Variants in HTR1F observed in about 807,000 individuals in gnomAD.
HTR1F encodes the protein 5-hydroxytryptamine (serotonin) receptor 1F, G protein-coupled.
HTR1F carries 17 observed loss-of-function variants against 24.0 expected under a neutral mutation model. That is an observed-to-expected ratio of 0.71 (90% confidence interval 0.48 to 1.06). The LOEUF (loss-of-function observed/expected upper bound fraction) is 1.06, where lower values mean the gene tolerates loss of function less well. Among genes scored for constraint, HTR1F ranks in the 50% least tolerant of loss-of-function variants. The pLI, the probability that HTR1F is intolerant of heterozygous loss-of-function variation, is 0.00. For synonymous variants in HTR1F, 186 were observed against 156.8 expected (o/e 1.19, Z -1.39); for missense variants, 391 against 427.8 (o/e 0.91, Z 0.76).
chr3:87,969,078 G>T (rs1177629126), intron 2 of HTR1F, among the ~76,000 whole-genome samples: 1 of 152,264 alleles, frequency 6.6e-6, no homozygotes, highest in Non-Finnish European at 1.5e-5. Flanking sequence ...GATTTCAGAG[G>T]ATGTATGGAA....
intron 2 of HTR1F, among the ~76,000 whole-genome samples, chr3:87,901,318 A>T (rs191551435): frequency 6.6e-6 from 1 of 152,250 alleles, no homozygotes; most frequent in African/African-American, 2.4e-5. Flanking sequence ...GCCTCAAACC[A>T]GTAGGAATGG....
intron 2 of HTR1F, among the ~76,000 whole-genome samples, chr3:87,947,941 G>A (rs1450376037): frequency 6.6e-6 from 1 of 152,022 alleles, no homozygotes; most frequent in Non-Finnish European, 1.5e-5. Flanking sequence ...ATTTGAGTTT[G>A]TGAGGCTGAA....
At chr3:87,986,881 G>C (rs1475031990) in intron 2 of HTR1F, among the ~76,000 whole-genome samples, 1 of 152,182 alleles carries the variant, frequency 6.6e-6, no homozygotes, top group East Asian at 1.9e-4. Context: ...GTGGTGAGCA[G>C]ATCACCAGAG....
chr3:87,964,384 A>G (rs1183338593), intron 2 of HTR1F, among the ~76,000 whole-genome samples: 2 of 152,192 alleles, frequency 1.3e-5, no homozygotes, highest in Non-Finnish European at 2.9e-5. Flanking sequence ...CTAAAATACT[A>G]TTTGATATTT....
intron 2 of HTR1F, among the ~76,000 whole-genome samples, chr3:87,917,621 A>T (rs1217880416): frequency 6.6e-6 from 1 of 151,972 alleles, no homozygotes; most frequent in Non-Finnish European, 1.5e-5. Flanking sequence ...AGAATAGATG[A>T]ATAAATTCTT....
intron 1 of HTR1F, among the ~76,000 whole-genome samples, chr3:87,809,946 A>G (rs1012846852): frequency 6.6e-6 from 1 of 152,046 alleles, no homozygotes; most frequent in African/African-American, 2.4e-5. Context: ...CCCAATCTGG[A>G]TACACCATCT....
chr3:87,936,970 T>G (rs1559639897), intron 2 of HTR1F, among the ~76,000 whole-genome samples: 1 of 147,242 alleles, frequency 6.8e-6, no homozygotes, highest in Non-Finnish European at 1.5e-5. Context: ...GCTCCAAAAC[T>G]GAATAAAAAT....
At chr3:87,892,468 T>C (rs550522401) in intron 2 of HTR1F, among the ~76,000 whole-genome samples, 4 of 152,288 alleles carry the variant, frequency 2.6e-5, no homozygotes, top group African/African-American at 7.2e-5. Context: ...TGGAAAGAAT[T>C]TGAGCTACAA....
chr3:87,934,324 T>A (rs1431145845), intron 2 of HTR1F, among the ~76,000 whole-genome samples: 1 of 152,234 alleles, frequency 6.6e-6, no homozygotes, highest in African/African-American at 2.4e-5. Flanking sequence ...TGTTCCACCT[T>A]AATCCTGTCA....
Position 87,991,995 on chromosome 3 carries a change from G to A in HTR1F, c.*145G>A. ...TAAGGCTATAATTTATATTTTAATA[G>A]CAATGTGAATATAAAAGTTATTGAT... On this transcript the variant is annotated 3_prime_UTR_variant, in exon 3 of 3. Coordinates refer to ENST00000319595, the MANE Select transcript of HTR1F (RefSeq NM_001322209.2). 1.6e-6 allele frequency: 1 copy of A among 608,468 alleles called. No homozygotes were observed. The highest frequency in any genetic ancestry group is 3.1e-5 in the East Asian group (1 of 32,578). 37.7% of individuals were successfully genotyped at this position (608,468 alleles called of 1,614,324 possible).
intron 2 of HTR1F, among the ~76,000 whole-genome samples, chr3:87,833,816 C>CA (rs1553663759): frequency 6.6e-6 from 1 of 151,078 alleles, no homozygotes. Context: ...CTATAAAGCC[C>CA]TTTTTTTTTA....
intron 2 of HTR1F, among the ~76,000 whole-genome samples, chr3:87,941,114 G>A (rs1236231198): frequency 1.3e-5 from 2 of 152,254 alleles, no homozygotes; most frequent in African/African-American, 4.8e-5. Flanking sequence ...TTGTTGGCAA[G>A]TTTAACACTG....
At chr3:87,899,106 T>G (rs564885609) in intron 2 of HTR1F, among the ~76,000 whole-genome samples, 2 of 152,314 alleles carry the variant, frequency 1.3e-5, no homozygotes, top group African/African-American at 4.8e-5. Flanking sequence ...TCTTTCAGCC[T>G]TATGAATTTT....
chr3:87,792,900 G>C (rs929438446), intron 1 of HTR1F, among the ~76,000 whole-genome samples, 58 bp downstream of exon 1: 3 of 152,228 alleles, frequency 2.0e-5, no homozygotes, highest in Non-Finnish European at 4.4e-5. Context: ...CAGCTGGCGC[G>C]CAGGTGGGGA....
intron 2 of HTR1F, among the ~76,000 whole-genome samples, chr3:87,865,928 G>A (rs1705417322): frequency 6.6e-6 from 1 of 151,990 alleles, no homozygotes. Flanking sequence ...CTGACAAACA[G>A]CTTACCAAAA....
chr3:87,989,180 C>T (rs1447619829), intron 2 of HTR1F, among the ~76,000 whole-genome samples: 1 of 152,082 alleles, frequency 6.6e-6, no homozygotes, highest in Non-Finnish European at 1.5e-5. Context: ...TTTTATTATA[C>T]TCCAAATGTT....
intron 2 of HTR1F, among the ~76,000 whole-genome samples, chr3:87,979,292 C>T (rs536556509): frequency 5.9e-5 from 9 of 152,108 alleles, no homozygotes; most frequent in African/African-American, 7.2e-5. Context: ...TCCACACAAC[C>T]GCTAGACCTC....
intron 2 of HTR1F, among the ~76,000 whole-genome samples, chr3:87,858,969 G>T (rs28665353): frequency 0.068 from 10,362 of 152,208 alleles, 1,130 homozygotes; most frequent in African/African-American, 0.23. Flanking sequence ...GCCAAGGAGG[G>T]TGGATCCTCT....
At chr3:87,811,075 G>A (rs1461325884) in intron 1 of HTR1F, among the ~76,000 whole-genome samples, 3 of 152,080 alleles carry the variant, frequency 2.0e-5, no homozygotes, top group Non-Finnish European at 4.4e-5. Flanking sequence ...TTATTAATTT[G>A]TTTCTTCCCT....
Sources: gnomAD v4.1 joint callset for allele counts (sites outside exome capture counted in the v4.1 genomes callset) on GRCh38, gnomAD v4.1.1 for gene constraint, MANE v1.5 for transcripts, NCBI Gene and HGNC (gene_info 2026-07-23, HGNC 2026-07-21) for gene names.